Variants in USP16 observed in about 807,000 individuals in gnomAD.
The protein encoded by USP16 is ubiquitin carboxyl-terminal hydrolase 16.
Under a neutral mutation model 95.9 loss-of-function variants are expected in USP16, and 77 were observed. That is an observed-to-expected ratio of 0.80 (90% CI 0.67 to 0.97). The LOEUF is 0.97. Among genes scored for constraint, USP16 ranks in the 50% least tolerant of loss-of-function variants. USP16 has a pLI of 0.00. For missense variants in USP16, 943 were observed against 959.9 expected, an observed-to-expected ratio of 0.98 and a Z score of 0.23; for synonymous variants, 303 against 318.2, an observed-to-expected ratio of 0.95 and a Z score of 0.51.
At position 29,039,166 on chromosome 21, in the gene USP16, C is replaced by T. The variant is rs138211287; in HGVS notation, c.863+10C>T. The stretch of plus-strand genomic sequence containing the variant: ...CTCAGGTCTGTAAAAAGTGAGTATC[C>T]ACTTCGATTGTGCTTTCAGTGCCTC... On this transcript the variant is annotated intron_variant, in intron 8 of 17. Coordinates refer to ENST00000399976, the MANE Select transcript of USP16 (RefSeq NM_006447.3). The T allele has an allele frequency of 2.6e-4, 387 of 1,505,944 alleles. No individual in the cohort carries two copies. The African/African-American group carries it at 4.1e-3, about 16-fold the overall frequency. The allele number at this position is 1,505,944 out of a possible 1,614,324, so 93.3% of individuals were successfully genotyped here.
chr21:29,044,545 T>A (rs2085295158), intron 13 of USP16, among the ~76,000 whole-genome samples: 1 of 151,778 alleles, frequency 6.6e-6, no homozygotes, highest in African/African-American at 2.4e-5. Context: ...CCTCCCAGGT[T>A]CAAGTGATTC....
rs1324293156 is a variant in USP16 at position 29,050,234 on chromosome 21, C to T, written c.2193+56C>T. 71 of 1,513,250 alleles carry T rather than the reference C, an allele frequency of 4.7e-5. No homozygotes were observed. In the East Asian group the frequency reaches 1.5e-3, roughly 33 times the overall value. The allele number at this position is 1,513,250 out of a possible 1,614,324, so 93.7% of individuals were successfully genotyped here. A position where few individuals can be genotyped will look rare whatever the true frequency, so the allele number is the denominator to read the frequency against. On this transcript the variant is annotated intron_variant, in intron 16 of 17. Coordinates refer to ENST00000399976, the MANE Select transcript of USP16 (RefSeq NM_006447.3). ...CCTTTAAAGTCAAATTGTGGCTTAC[C>T]TAATGCTCCAGTAGCAACTCACTTA...
intron 6 of USP16, 25 bp from the exon 7 acceptor site, chr21:29,038,310 C>CTT: frequency 2.7e-6 from 4 of 1,493,440 alleles, no homozygotes; most frequent in Non-Finnish European, 3.7e-6. Context: ...TAATTTTTCT[C>CTT]TTTTTTTTTC....
intron 2 of USP16, among the ~76,000 whole-genome samples, chr21:29,030,236 T>C (rs1451965190): frequency 6.6e-6 from 1 of 152,092 alleles, no homozygotes; most frequent in East Asian, 1.9e-4. Flanking sequence ...AGGTGTATTA[T>C]TGACTAAATG....
At chr21:29,035,405 T>G (rs183397020) in intron 4 of USP16, among the ~76,000 whole-genome samples, 1 of 151,710 alleles carries the variant, frequency 6.6e-6, no homozygotes, top group Non-Finnish European at 1.5e-5. Context: ...AGACGGAATC[T>G]TTCTGTCGCC....
chr21:29,053,671 A>G (rs2085450443), intron 16 of USP16, 131 bp from the exon 17 acceptor site: 2 of 858,036 alleles, frequency 2.3e-6, no homozygotes, highest in Non-Finnish European at 3.6e-6. Flanking sequence ...AGAAAAGAGT[A>G]GACTCATGAA....
intron 6 of USP16, among the ~76,000 whole-genome samples, 166 bp downstream of exon 6, chr21:29,037,629 C>T (rs1391551108): frequency 3.1e-5 from 4 of 130,988 alleles, no homozygotes; most frequent in Admixed American, 8.8e-5. Context: ...CTCTGTCACT[C>T]GGCTGGAGTG....
At chr21:29,043,275 G>A (rs1411719790) in intron 12 of USP16, 148 bp from the exon 13 acceptor site, 2 of 544,036 alleles carry the variant, frequency 3.7e-6, no homozygotes, top group East Asian at 3.6e-5. Context: ...TGAGATAAAC[G>A]AATTTTGTCT....
rs186609236 is a variant in USP16, at chr21:29,038,801, G to A, written c.733-225G>A. ...TTTGCTTTGGCTCTTTCAATTCTTA[G>A]GTAGTAAGTGTTCCAGATAATCTAA... On this transcript the variant is annotated intron_variant, in intron 7 of 17. Coordinates refer to ENST00000399976, the MANE Select transcript of USP16 (RefSeq NM_006447.3). Among the ~76,000 whole-genome samples the A allele has an allele frequency of 2.6e-5, 4 of 152,230 alleles. No homozygotes were observed. The East Asian group carries it at 5.8e-4, about 22-fold the overall frequency.
intron 4 of USP16, among the ~76,000 whole-genome samples, chr21:29,035,226 A>G (rs1233001295): frequency 2.0e-5 from 3 of 152,182 alleles, no homozygotes; most frequent in African/African-American, 7.2e-5. Context: ...GCTAAGAACA[A>G]ATTTCAGATA....
At chr21:29,036,866 A>G (rs1464089914) in intron 5 of USP16, among the ~76,000 whole-genome samples, 1 of 152,142 alleles carries the variant, frequency 6.6e-6, no homozygotes, top group Non-Finnish European at 1.5e-5. Flanking sequence ...AGCCAGAATT[A>G]TTTGTTTTTT....
intron 13 of USP16, 30 bp downstream of exon 13, chr21:29,043,629 T>A: frequency 6.7e-7 from 1 of 1,482,468 alleles, no homozygotes. Flanking sequence ...ATCATATGCT[T>A]GTAATTTTAT....
At chr21:29,029,661 G>C (rs774384199) in intron 2 of USP16, among the ~76,000 whole-genome samples, 2 of 152,182 alleles carry the variant, frequency 1.3e-5, no homozygotes, top group Non-Finnish European at 2.9e-5. Flanking sequence ...AGAGTTTTCA[G>C]CCTCAGGTTC....
rs986693020 is a variant in USP16, at chr21:29,051,216, G to A, written c.2193+1038G>A. Among the ~76,000 whole-genome samples the A allele has an allele frequency of 5.3e-5, 8 of 152,140 alleles. No homozygotes were observed. In the East Asian group the frequency reaches 1.5e-3, roughly 29 times the overall value. ...GAGAAAAGCAGGTTGAGAAAAGCAG[G>A]TAGAGAAAGGATAATGACTTCAGTT... On this transcript the variant is annotated intron_variant, in intron 16 of 17. Transcript: ENST00000399976.
intron 14 of USP16, 147 bp downstream of exon 14, chr21:29,047,468 T>A: frequency 1.0e-6 from 1 of 975,318 alleles, no homozygotes; most frequent in Non-Finnish European, 1.5e-6. Flanking sequence ...GATGGAAAAG[T>A]AGGACTTTAT....
At chr21:29,031,543 G>T (rs2085076995) in intron 3 of USP16, among the ~76,000 whole-genome samples, 1 of 152,084 alleles carries the variant, frequency 6.6e-6, no homozygotes, top group African/African-American at 2.4e-5. Context: ...GGTTCAAGCA[G>T]TTTTCCTGCC....
chr21:29,044,009 T>C (rs1295463660), intron 13 of USP16, among the ~76,000 whole-genome samples: 1 of 151,992 alleles, frequency 6.6e-6, no homozygotes, highest in African/African-American at 2.4e-5. Flanking sequence ...CTCTGCTCAC[T>C]GCAACCTCCA....
intron 12 of USP16, 70 bp downstream of exon 12, chr21:29,042,598 G>A (rs146988310): frequency 0.013 from 17,675 of 1,408,600 alleles, 166 homozygotes; most frequent in Middle Eastern, 0.024. Context: ...GGGAAGCCTT[G>A]TTACTCTTTT....
intron 12 of USP16, 55 bp downstream of exon 12, chr21:29,042,583 GT>G (rs2085261155): frequency 1.3e-6 from 2 of 1,484,058 alleles, no homozygotes; most frequent in Admixed American, 2.0e-5. Flanking sequence ...GTAAGATTTT[GT>G]GGGGGGAAGC....
Sources: gnomAD v4.1 joint callset for allele counts (sites outside exome capture counted in the v4.1 genomes callset) on GRCh38, gnomAD v4.1.1 for gene constraint, MANE v1.5 for transcripts, NCBI Gene and HGNC (gene_info 2026-07-23, HGNC 2026-07-21) for gene names.